LCORL: variants seen among roughly 807,000 people sequenced by gnomAD.
LCORL encodes the protein ligand dependent nuclear receptor corepressor like.
In LCORL, 41 loss-of-function variants were observed where a neutral mutation model predicts 141.8. The observed-to-expected ratio is 0.29, with a 90% CI of 0.23 to 0.38. The LOEUF is 0.38. Among genes scored for constraint, LCORL ranks in the 10% least tolerant of loss-of-function variants. The probability of loss-of-function intolerance (pLI) is 1.00; values close to 1 mark genes in which losing one functional copy is unlikely to be tolerated. For missense variants in LCORL, 1,759 were observed against 2,035.0 expected, an observed-to-expected ratio of 0.86 and a Z score of 2.61; for synonymous variants, 618 against 694.1, an observed-to-expected ratio of 0.89 and a Z score of 1.72.
At chr4:17,880,407 C>T (rs1238556485) in intron 6 of LCORL, 2 of 865,134 alleles carry the variant, frequency 2.3e-6, no homozygotes, top group Non-Finnish European at 2.8e-6. Context: ...TTTTGTAGAT[C>T]CTTTGCTTTT....
chr4:18,019,857 C>A (rs887672865), intron 1 of LCORL, among the ~76,000 whole-genome samples: 1 of 152,164 alleles, frequency 6.6e-6, no homozygotes, highest in East Asian at 1.9e-4. Context: ...CAGAAGAGAT[C>A]TTTACATAAG....
chr4:17,873,521 A>C lies in LCORL; in HGVS notation c.5469T>G (p.Asp1823Glu), dbSNP rs573880369. The change falls in exon 7 of 8, where the codon GAT becomes GAG. Residue 1823 changes from aspartate (D) to glutamate (E), a missense_variant. By Grantham distance (45) the Asp-to-Glu change is conservative. Around this residue, in one of 5 missense-constraint regions of LCORL, gnomAD observed 313 missense variants for 336.1 expected, o/e 0.93. Transcript: ENST00000635767. ...TCAAATTGCTAAGAACTTCAAAACT[A>C]TCAGGATTCTTGTCAAAGTTAACAC... 2.1e-4 allele frequency: 265 copies of C among 1,233,952 alleles called. 3 individuals carry two copies. The South Asian group carries it at 6.7e-3, about 31-fold the overall frequency. 76.4% of individuals were successfully genotyped at this position (1,233,952 alleles called of 1,614,324 possible). A position where few individuals can be genotyped will look rare whatever the true frequency, so the allele number is the denominator to read the frequency against.
At position 17,924,103 on chromosome 4, in the gene LCORL, T is replaced by A. The variant is rs564584143; in HGVS notation, c.431-14758A>T. On this transcript the variant is annotated intron_variant, in intron 4 of 7. Coordinates refer to ENST00000635767, the Ensembl canonical transcript of LCORL. The stretch of plus-strand genomic sequence containing the variant: ...GATGGTCATGGACTTGGAAGAATCA[T>A]GATTGGGAAATTGGTGACAAAGAAA... Among the ~76,000 whole-genome samples the A allele has an allele frequency of 7.2e-5, 11 of 152,160 alleles. No individual in the cohort carries two copies. In the South Asian group the frequency reaches 2.3e-3, roughly 32 times the overall value.
intron 1 of LCORL, among the ~76,000 whole-genome samples, chr4:17,996,190 T>C (rs1720897970): frequency 6.6e-6 from 1 of 152,092 alleles, no homozygotes; most frequent in Non-Finnish European, 1.5e-5. Flanking sequence ...GATATATCCA[T>C]ATTATTTCCC....
intron 7 of LCORL, among the ~76,000 whole-genome samples, chr4:17,846,507 C>T (rs1460311408): frequency 6.6e-6 from 1 of 152,102 alleles, no homozygotes; most frequent in East Asian, 1.9e-4. Flanking sequence ...GGAAAAACAT[C>T]AGGAATTAAA....
chr4:17,907,832 G>A (rs1394608340), intron 5 of LCORL, among the ~76,000 whole-genome samples: 2 of 152,076 alleles, frequency 1.3e-5, no homozygotes, highest in East Asian at 1.9e-4. Context: ...ACACCCATGC[G>A]ATATCATAGT....
exon 7 of LCORL, chr4:17,875,753 A>C (rs147960551): frequency 8.1e-7 from 1 of 1,231,032 alleles, no homozygotes; most frequent in Non-Finnish European, 1.0e-6. Context: ...TTTTTGGTCT[A>C]CCTGGTTTTC....
intron 7 of LCORL, among the ~76,000 whole-genome samples, chr4:17,858,181 T>C (rs988084484): frequency 6.6e-6 from 1 of 152,126 alleles, no homozygotes; most frequent in African/African-American, 2.4e-5. Flanking sequence ...AATACTGAAT[T>C]TGAACTTCCA....
intron 4 of LCORL, among the ~76,000 whole-genome samples, chr4:17,940,865 T>C (rs1737837726): frequency 6.6e-6 from 1 of 152,108 alleles, no homozygotes; most frequent in Non-Finnish European, 1.5e-5. Flanking sequence ...TAAAGATATA[T>C]AAAAATCTGA....
chr4:17,863,668 G>T lies in LCORL; in HGVS notation c.5602+9720C>A, dbSNP rs1213375390. Among the ~76,000 whole-genome samples, 4 of 152,242 alleles carry T rather than the reference G, an allele frequency of 2.6e-5. No homozygotes were observed. In the East Asian group the frequency reaches 7.7e-4, roughly 29 times the overall value. On this transcript the variant is annotated intron_variant, in intron 7 of 7. Coordinates refer to ENST00000635767, the Ensembl canonical transcript of LCORL. ...GGTATATACTCAAAGAAATATAAAT[G>T]ATTCTACCAGAAAAGACACATGCAC...
intron 1 of LCORL, among the ~76,000 whole-genome samples, chr4:18,013,236 CTCT>C (rs1724087905): frequency 1.3e-5 from 2 of 152,162 alleles, no homozygotes; most frequent in Admixed American, 6.5e-5. Flanking sequence ...TTTGAGGTTT[CTCT>C]TCTTCTGCCC....
intron 7 of LCORL, among the ~76,000 whole-genome samples, chr4:17,862,494 C>T (rs1344959056): frequency 6.6e-6 from 1 of 152,028 alleles, no homozygotes; most frequent in African/African-American, 2.4e-5. Flanking sequence ...CTACAGTAAC[C>T]AAAACAGCAT....
At chr4:17,934,781 C>T (rs1037839970) in intron 4 of LCORL, among the ~76,000 whole-genome samples, 3 of 152,162 alleles carry the variant, frequency 2.0e-5, no homozygotes, top group African/African-American at 7.2e-5. Context: ...TCATCTGGCA[C>T]TTCTTTACTA....
At chr4:17,897,213 C>CTTTTTTTTTTTTTTTT (rs761784734) in intron 5 of LCORL, among the ~76,000 whole-genome samples, 1 of 63,994 alleles carries the variant, frequency 1.6e-5, no homozygotes, top group African/African-American at 5.8e-5. Flanking sequence ...ATACTGATTT[C>CTTTTTTTTTTTTTTTT]TTTTTTTTTT....
At position 18,021,571 on chromosome 4, in the gene LCORL, C is replaced by T. The variant is rs1560496890; in HGVS notation, c.154+27G>A. 2 of 1,507,772 alleles carry T rather than the reference C, an allele frequency of 1.3e-6. No individual in the cohort carries two copies. Among genetic ancestry groups the T allele is most frequent in the Non-Finnish European group, 1.8e-6 (2 of 1,129,276 alleles). 93.4% of individuals were successfully genotyped at this position (1,507,772 alleles called of 1,614,324 possible). Reference sequence around the variant, plus strand: ...GCGACAGCGGTCGCCGCGCGGAGCCCGGGGCCCCGGCCCGCGTCTCTCTTA... The same window carrying T: ...GCGACAGCGGTCGCCGCGCGGAGCCTGGGGCCCCGGCCCGCGTCTCTCTTA... On this transcript the variant is annotated intron_variant, in intron 1 of 7. Coordinates refer to ENST00000635767, the Ensembl canonical transcript of LCORL. This position sits in a 1 kb window ranked among gnomAD's most constrained non-coding sequence, Gnocchi z 5.5.
intron 6 of LCORL, chr4:17,880,593 A>T: frequency 1.0e-6 from 1 of 968,514 alleles, no homozygotes; most frequent in Non-Finnish European, 1.2e-6. Flanking sequence ...AAGTCAGTGT[A>T]GTCAGTTTTT....
At chr4:17,895,636 C>T (rs536061295) in intron 5 of LCORL, among the ~76,000 whole-genome samples, 3 of 152,142 alleles carry the variant, frequency 2.0e-5, no homozygotes. Context: ...AGTTGTGCAA[C>T]CATCACAATT....
At chr4:17,925,759 T>C (rs947458726) in intron 4 of LCORL, among the ~76,000 whole-genome samples, 1 of 151,554 alleles carries the variant, frequency 6.6e-6, no homozygotes, top group Non-Finnish European at 1.5e-5. Context: ...TAATCCCAGA[T>C]ACTCGGGAGG....
chr4:17,936,736 C>T (rs546288182), intron 4 of LCORL, among the ~76,000 whole-genome samples: 35 of 152,240 alleles, frequency 2.3e-4, no homozygotes, highest in African/African-American at 7.9e-4. Context: ...GCATCACTTT[C>T]CTTTTCATGT....
Sources: allele counts gnomAD v4.1 joint callset (sites outside exome capture counted in the v4.1 genomes callset), GRCh38; gene constraint gnomAD v4.1.1; regional missense constraint gnomAD v4.1.1; non-coding constraint Gnocchi (gnomAD v3.1); transcripts MANE v1.5; gene names NCBI Gene and HGNC (gene_info 2026-07-23, HGNC 2026-07-21).